IKZF2: variants seen among roughly 807,000 people sequenced by gnomAD.
IKZF2 encodes zinc finger protein Helios.
Under a neutral mutation model 49.2 loss-of-function variants are expected in IKZF2, and 15 were observed. The observed-to-expected ratio is 0.30, with a 90% CI of 0.20 to 0.47. The LOEUF is 0.47. Among genes scored for constraint, IKZF2 ranks in the 20% least tolerant of loss-of-function variants. The pLI is 1.00. For synonymous variants in IKZF2, 227 were observed against 221.4 expected, an observed-to-expected ratio of 1.03 and a Z score of -0.23; for missense variants, 567 against 664.6, an observed-to-expected ratio of 0.85 and a Z score of 1.61.
At chr2:213,137,793 G>C (rs1352013071) in intron 4 of IKZF2, among the ~76,000 whole-genome samples, 1 of 152,014 alleles carries the variant, frequency 6.6e-6, no homozygotes, top group Non-Finnish European at 1.5e-5. Flanking sequence ...TTATATACTT[G>C]TAGAAGAAAT....
chr2:213,002,180 AG>A lies in IKZF2; in HGVS notation c.*5179del, dbSNP rs930821102. ...CTTTTATATTTTATTCACAATAAAA[AG>A]GACATCTTAGAAAACTAGTCATTCA... On this transcript the variant is annotated 3_prime_UTR_variant, in exon 9 of 9. Coordinates refer to ENST00000434687, the MANE Select transcript of IKZF2 (RefSeq NM_001387220.1). The A allele has an allele frequency of 5.3e-5, 8 of 151,504 alleles. No homozygotes were observed. The highest frequency in any genetic ancestry group is 1.2e-4 in the Non-Finnish European group (8 of 67,548). 9.4% of individuals were successfully genotyped at this position (151,504 alleles called of 1,614,324 possible).
intron 4 of IKZF2, among the ~76,000 whole-genome samples, chr2:213,143,998 T>C (rs542216991): frequency 1.3e-5 from 2 of 152,082 alleles, no homozygotes; most frequent in African/African-American, 4.8e-5. Context: ...TGCTAAGTTC[T>C]CTAAGAGGTA....
chr2:213,147,846 T>G (rs772299371), intron 3 of IKZF2, 34 bp from the exon 4 acceptor site: 3 of 1,503,438 alleles, frequency 2.0e-6, no homozygotes, highest in Non-Finnish European at 2.8e-6. Context: ...TTGGTTTCTA[T>G]TCATTGTCAC....
intron 5 of IKZF2, among the ~76,000 whole-genome samples, chr2:213,055,760 T>C (rs756362083): frequency 1.8e-4 from 28 of 152,112 alleles, no homozygotes; most frequent in Admixed American, 7.9e-4. Flanking sequence ...TCTTCATGTG[T>C]ATTATGAAAG....
intron 4 of IKZF2, among the ~76,000 whole-genome samples, chr2:213,108,056 A>G (rs1205919162): frequency 2.0e-5 from 3 of 152,042 alleles, no homozygotes; most frequent in African/African-American, 7.2e-5. Context: ...TAAACTTGGG[A>G]AAAAAACGAT....
At chr2:213,037,145 G>C (rs1699111740) in intron 6 of IKZF2, among the ~76,000 whole-genome samples, 1 of 152,196 alleles carries the variant, frequency 6.6e-6, no homozygotes, top group South Asian at 2.1e-4. Context: ...CAAAACTGTG[G>C]TAGCAAGCTT....
intron 4 of IKZF2, among the ~76,000 whole-genome samples, chr2:213,139,778 C>G (rs1420254830): frequency 1.3e-5 from 2 of 151,856 alleles, no homozygotes; most frequent in Non-Finnish European, 2.9e-5. Context: ...GAGAACCTAT[C>G]TAAGTGGCTT....
chr2:213,068,260 T>A (rs565609445), intron 4 of IKZF2, among the ~76,000 whole-genome samples: 3 of 152,266 alleles, frequency 2.0e-5, no homozygotes, highest in African/African-American at 7.2e-5. Context: ...TACTTGATGC[T>A]TTCTGGTCAG....
At chr2:213,080,179 GAGATAGAT>G (rs6147162) in intron 4 of IKZF2, among the ~76,000 whole-genome samples, 97 of 97,208 alleles carry the variant, frequency 1.0e-3, no homozygotes, top group East Asian at 1.6e-3. Context: ...AATCTATATA[GAGATAGAT>G]AGATAGATAG....
intron 4 of IKZF2, among the ~76,000 whole-genome samples, chr2:213,106,623 G>A (rs1411076521): frequency 7.0e-6 from 1 of 143,686 alleles, no homozygotes; most frequent in Non-Finnish European, 1.5e-5. Context: ...CTGGGCGACA[G>A]AGTGAGGGAA....
chr2:213,072,296 G>GTTTTTTTTTTTTTT (rs377550534), intron 4 of IKZF2, among the ~76,000 whole-genome samples: 2 of 144,548 alleles, frequency 1.4e-5, no homozygotes, highest in Non-Finnish European at 3.0e-5. Context: ...CCTTTCCTTT[G>GTTTTTTTTTTTTTT]TTTTTTTTTT....
intron 1 of IKZF2, 173 bp from the exon 2 acceptor site, chr2:213,150,420 TAAAC>T (rs1306473875): frequency 3.1e-5 from 8 of 260,274 alleles, no homozygotes; most frequent in South Asian, 7.4e-5. Flanking sequence ...GATCGGCTGA[TAAAC>T]AAAACCAAGA....
chr2:213,066,170 A>G (rs1246326118), intron 4 of IKZF2, among the ~76,000 whole-genome samples: 1 of 152,130 alleles, frequency 6.6e-6, no homozygotes, highest in Non-Finnish European at 1.5e-5. Context: ...TGTAAGAAGT[A>G]AAATCCAGCT....
rs1695536109 is a variant in IKZF2, at chr2:213,008,050, A to G, written c.891T>C (p.Ile297=). The G allele has an allele frequency of 6.2e-7, 1 of 1,611,622 alleles. No individual in the cohort carries two copies. Among genetic ancestry groups the G allele is most frequent in the African/African-American group, 1.3e-5 (1 of 74,824 alleles). ...CATATGTTAAGTTCATATCAAAGTG[A>G]ATATCTGGGTAGCTGAATCGCATGA... ...EKLMRFSYPD[I]HFDMNLTYEK... Residue 297 remains isoleucine (I), a synonymous_variant, in exon 9 of 9, where the codon ATT becomes ATC. Transcript: ENST00000434687.
chr2:213,077,351 AT>A (rs780621442), intron 4 of IKZF2, among the ~76,000 whole-genome samples: 14 of 152,278 alleles, frequency 9.2e-5, no homozygotes, highest in Non-Finnish European at 2.1e-4. Context: ...TCACAGAAAT[AT>A]GAATTTCTTG....
intron 4 of IKZF2, among the ~76,000 whole-genome samples, chr2:213,112,167 G>T (rs750599149): frequency 5.3e-5 from 8 of 151,794 alleles, no homozygotes; most frequent in Non-Finnish European, 1.0e-4. Flanking sequence ...CTACTCCATA[G>T]GGAAATTATA....
intron 4 of IKZF2, among the ~76,000 whole-genome samples, chr2:213,108,766 C>CT (rs971343080): frequency 9.2e-5 from 14 of 151,722 alleles, no homozygotes; most frequent in African/African-American, 3.1e-4. Context: ...CAACATATTG[C>CT]TTTTTTTGCT....
intron 4 of IKZF2, among the ~76,000 whole-genome samples, chr2:213,119,790 G>A (rs929395195): frequency 5.9e-5 from 9 of 152,142 alleles, no homozygotes; most frequent in African/African-American, 2.2e-4. Flanking sequence ...GTGTGCATAA[G>A]GGCATGTGAT....
chr2:213,104,662 ACT>A (rs1249337873), intron 4 of IKZF2, among the ~76,000 whole-genome samples: 1 of 152,100 alleles, frequency 6.6e-6, no homozygotes, highest in Admixed American at 6.6e-5. Flanking sequence ...AGAAGCAGGG[ACT>A]CTGCTTGCTG....
Sources: allele counts gnomAD v4.1 joint callset (sites outside exome capture counted in the v4.1 genomes callset), GRCh38; gene constraint gnomAD v4.1.1; transcripts MANE v1.5; gene names NCBI Gene and HGNC (gene_info 2026-07-23, HGNC 2026-07-21).